Variants in SNTG1 observed in about 807,000 individuals in gnomAD.
SNTG1 encodes the protein syntrophin gamma 1.
Under a neutral mutation model 74.7 loss-of-function variants are expected in SNTG1, and 39 were observed. The ratio of observed to expected loss-of-function variants is 0.52; its 90% CI spans 0.40 to 0.68. The LOEUF (loss-of-function observed/expected upper bound fraction) is 0.68. SNTG1 is among the 30% of genes least tolerant of loss of function. The pLI is 0.00. For missense variants in SNTG1, 685 were observed against 609.5 expected, an observed-to-expected ratio of 1.12 and a Z score of -1.30; for synonymous variants, 254 against 217.1, an observed-to-expected ratio of 1.17 and a Z score of -1.49.
chr8:50,376,654 G>T (rs2092388152), intron 2 of SNTG1, among the ~76,000 whole-genome samples: 1 of 148,012 alleles, frequency 6.8e-6, no homozygotes, highest in Admixed American at 6.8e-5. Flanking sequence ...CTGCTTCCAT[G>T]AATCCCAGGA....
chr8:50,779,798 C>T (rs975575734), intron 18 of SNTG1, among the ~76,000 whole-genome samples: 2 of 152,016 alleles, frequency 1.3e-5, no homozygotes, highest in Non-Finnish European at 2.9e-5. Flanking sequence ...AAAGGGAATG[C>T]TTCCAGTTTT....
intron 8 of SNTG1, among the ~76,000 whole-genome samples, chr8:50,499,793 T>G (rs950553057): frequency 2.6e-5 from 4 of 152,040 alleles, no homozygotes; most frequent in African/African-American, 9.7e-5. Flanking sequence ...ACTTAGGTTT[T>G]TATGTGGTTA....
intron 9 of SNTG1, among the ~76,000 whole-genome samples, chr8:50,522,387 TG>T (rs2094186627): frequency 6.6e-6 from 1 of 152,122 alleles, no homozygotes; most frequent in African/African-American, 2.4e-5. Flanking sequence ...TAAACAGATA[TG>T]CTGCCATCTA....
chr8:50,243,708 T>C (rs1252331163), intron 2 of SNTG1, among the ~76,000 whole-genome samples: 1 of 152,036 alleles, frequency 6.6e-6, no homozygotes, highest in Non-Finnish European at 1.5e-5. Context: ...TACTGTTCCA[T>C]GGACATACAC....
At chr8:50,633,571 C>T (rs923245047) in intron 13 of SNTG1, among the ~76,000 whole-genome samples, 3 of 152,138 alleles carry the variant, frequency 2.0e-5, no homozygotes, top group Non-Finnish European at 4.4e-5. Flanking sequence ...CTTCTGGGCC[C>T]TCATCCCTCC....
At chr8:50,373,509 A>T (rs1383814853) in intron 2 of SNTG1, among the ~76,000 whole-genome samples, 1 of 152,184 alleles carries the variant, frequency 6.6e-6, no homozygotes, top group African/African-American at 2.4e-5. Context: ...ATACCTTTGT[A>T]AAAGTTTATT....
At chr8:49,987,906 C>T (rs1813326523) in intron 1 of SNTG1, among the ~76,000 whole-genome samples, 1 of 151,990 alleles carries the variant, frequency 6.6e-6, no homozygotes, top group African/African-American at 2.4e-5. Context: ...CCTCAGCCTC[C>T]CAAAGTTAAA....
intron 2 of SNTG1, among the ~76,000 whole-genome samples, chr8:50,287,067 T>A (rs925619946): frequency 4.6e-5 from 7 of 152,178 alleles, no homozygotes; most frequent in African/African-American, 1.4e-4. Flanking sequence ...TGACTGTTAC[T>A]CCAGTCCTAT....
chr8:50,423,388 G>C (rs73581333), intron 4 of SNTG1, among the ~76,000 whole-genome samples: 4,005 of 152,162 alleles, frequency 0.026, 162 homozygotes, highest in African/African-American at 0.09. Flanking sequence ...ATTTCTCCTG[G>C]TTCTGAATTC....
intron 1 of SNTG1, among the ~76,000 whole-genome samples, chr8:50,021,976 G>T (rs1171826768): frequency 6.7e-6 from 1 of 150,234 alleles, no homozygotes; most frequent in Non-Finnish European, 1.5e-5. Flanking sequence ...ATAAAAAGAA[G>T]AAGAAGAAGA....
At chr8:49,998,841 A>C (rs1011420447) in intron 1 of SNTG1, among the ~76,000 whole-genome samples, 2 of 152,224 alleles carry the variant, frequency 1.3e-5, no homozygotes, top group African/African-American at 4.8e-5. Context: ...AATGATAGAT[A>C]ATGATAAAAA....
At chr8:50,768,756 G>C (rs2095619894) in intron 18 of SNTG1, among the ~76,000 whole-genome samples, 1 of 152,054 alleles carries the variant, frequency 6.6e-6, no homozygotes, top group African/African-American at 2.4e-5. Context: ...CAGAGCATCT[G>C]CTTAATAGCA....
chr8:50,448,731 A>G (rs1477803744), intron 5 of SNTG1, among the ~76,000 whole-genome samples: 1 of 152,102 alleles, frequency 6.6e-6, no homozygotes, highest in African/African-American at 2.4e-5. Flanking sequence ...CATTTAGTCA[A>G]CTAATAAATA....
intron 2 of SNTG1, among the ~76,000 whole-genome samples, chr8:50,207,157 G>C (rs893449495): frequency 6.6e-6 from 1 of 152,148 alleles, no homozygotes; most frequent in Non-Finnish European, 1.5e-5. Context: ...GCTCCTCTTT[G>C]TACCTCTGGT....
At chr8:49,962,519 A>G (rs1038943913) in intron 1 of SNTG1, among the ~76,000 whole-genome samples, 3 of 151,900 alleles carry the variant, frequency 2.0e-5, no homozygotes, top group African/African-American at 7.3e-5. Flanking sequence ...CTGTGCTGCC[A>G]CTCAAGGCCC....
chr8:50,343,138 T>C (rs17698658), intron 2 of SNTG1, among the ~76,000 whole-genome samples: 7,544 of 152,262 alleles, frequency 0.05, 248 homozygotes, highest in Non-Finnish European at 0.071. Flanking sequence ...TGGATTTATG[T>C]CGCTCATAGG....
chr8:50,022,285 T>A (rs1816895019), intron 1 of SNTG1, among the ~76,000 whole-genome samples: 1 of 152,190 alleles, frequency 6.6e-6, no homozygotes, highest in South Asian at 2.1e-4. Context: ...CTGTAATAGA[T>A]ATTTGTGCAA....
At chr8:50,210,673 A>G (rs1242347964) in intron 2 of SNTG1, among the ~76,000 whole-genome samples, 2 of 152,214 alleles carry the variant, frequency 1.3e-5, no homozygotes, top group African/African-American at 2.4e-5. Flanking sequence ...CAGACAAAAT[A>G]TAAATATTTT....
intron 2 of SNTG1, among the ~76,000 whole-genome samples, chr8:50,256,937 C>T (rs2086911172): frequency 6.6e-6 from 1 of 152,146 alleles, no homozygotes; most frequent in Admixed American, 6.5e-5. Context: ...CCTGCTACCA[C>T]CTCTGTGTTC....
Sources: gnomAD v4.1 joint callset for allele counts (sites outside exome capture counted in the v4.1 genomes callset) on GRCh38, gnomAD v4.1.1 for gene constraint, MANE v1.5 for transcripts, NCBI Gene and HGNC (gene_info 2026-07-23, HGNC 2026-07-21) for gene names.